Variants in MAN2A1 observed in about 807,000 individuals in gnomAD.
MAN2A1 encodes mannosidase alpha class 2A member 1.
In MAN2A1, 76 loss-of-function variants were observed where a neutral mutation model predicts 142.6. The ratio of observed to expected loss-of-function variants is 0.53; its 90% CI spans 0.44 to 0.65. The LOEUF (loss-of-function observed/expected upper bound fraction) is 0.65. MAN2A1 is among the 30% of genes least tolerant of loss of function. The pLI is 0.00. For synonymous variants in MAN2A1, 559 were observed against 473.2 expected, an observed-to-expected ratio of 1.18 and a Z score of -2.35; for missense variants, 1,311 against 1,365.1, an observed-to-expected ratio of 0.96 and a Z score of 0.62.
In MAN2A1 at chr5:109,866,841, T is replaced by C; in HGVS notation, c.3283-5T>C. ...AATATGTAAATTTTATCATTTACTT[T>C]TCAGATATTGGTACAGAAACTTTTA... On this transcript the variant is annotated splice_region_variant and splice_polypyrimidine_tract_variant and intron_variant, in intron 21 of 21. Transcript: ENST00000261483. The C allele has an allele frequency of 6.3e-7, 1 of 1,588,054 alleles. No homozygotes were observed. Among genetic ancestry groups the C allele is most frequent in the East Asian group, 2.2e-5 (1 of 44,454 alleles).
At chr5:109,852,879 C>T (rs1755518584) in intron 19 of MAN2A1, among the ~76,000 whole-genome samples, 1 of 152,048 alleles carries the variant, frequency 6.6e-6, no homozygotes, top group Non-Finnish European at 1.5e-5. Context: ...TCTTGTTGAG[C>T]CTCTTGTTGC....
At chr5:109,820,407 ATAAGTGAG>A in intron 15 of MAN2A1, 65 bp downstream of exon 15, 2 of 1,437,366 alleles carry the variant, frequency 1.4e-6, no homozygotes, top group Middle Eastern at 1.8e-4. Context: ...GAGGAAAAAG[ATAAGTGAG>A]TGTCATTATT....
intron 1 of MAN2A1, among the ~76,000 whole-genome samples, chr5:109,706,096 G>A (rs770940057): frequency 1.1e-4 from 17 of 152,170 alleles, no homozygotes; most frequent in East Asian, 5.8e-4. Context: ...TGCACCAGGC[G>A]CTATTTAAAT....
chr5:109,750,882 G>A (rs1056414898), intron 4 of MAN2A1, among the ~76,000 whole-genome samples: 1 of 151,846 alleles, frequency 6.6e-6, no homozygotes, highest in Non-Finnish European at 1.5e-5. Context: ...CATATTTATG[G>A]GGTATAGGTG....
intron 12 of MAN2A1, among the ~76,000 whole-genome samples, chr5:109,791,563 T>A (rs550319090): frequency 5.9e-5 from 9 of 152,182 alleles, no homozygotes; most frequent in East Asian, 3.9e-4. Flanking sequence ...GCTTTTTTTT[T>A]AGTTATAAAC....
chr5:109,858,043 C>T (rs1205173922), intron 20 of MAN2A1, among the ~76,000 whole-genome samples: 2 of 152,206 alleles, frequency 1.3e-5, no homozygotes, highest in South Asian at 4.1e-4. Flanking sequence ...GACACTTACT[C>T]CAACTTGGTT....
At chr5:109,859,876 T>C (rs756721724) in intron 20 of MAN2A1, among the ~76,000 whole-genome samples, 1 of 107,474 alleles carries the variant, frequency 9.3e-6, no homozygotes, top group Non-Finnish European at 2.0e-5. Flanking sequence ...GTAGTTCAGC[T>C]TTTTTTTTTT....
intron 10 of MAN2A1, 143 bp downstream of exon 10, chr5:109,785,069 C>A (rs1271079468): frequency 7.3e-6 from 4 of 551,152 alleles, no homozygotes; most frequent in Non-Finnish European, 1.2e-5. Context: ...ATCAAAACAG[C>A]ACTGATATTC....
intron 1 of MAN2A1, among the ~76,000 whole-genome samples, chr5:109,706,329 C>G (rs921944499): frequency 3.9e-5 from 6 of 152,112 alleles, no homozygotes; most frequent in African/African-American, 1.4e-4. Context: ...TATTGTAGTA[C>G]CCTTCAAAGT....
intron 4 of MAN2A1, among the ~76,000 whole-genome samples, chr5:109,731,267 C>CT (rs553119283): frequency 2.8e-4 from 40 of 143,482 alleles, no homozygotes; most frequent in African/African-American, 5.1e-4. Flanking sequence ...ATACATTATT[C>CT]TTTTTTTTTT....
rs1042505486 is a variant in MAN2A1, at chr5:109,859,942, T to A, written c.3171+4608T>A. On this transcript the variant is annotated intron_variant, in intron 20 of 21. Transcript: ENST00000261483. ...TAGACATATTTATTTTATATAAACA[T>A]GATATATATATATATCTTAACTCTT... 2.0e-5 allele frequency among the ~76,000 whole-genome samples: 3 copies of A among 151,094 alleles called. No homozygotes were observed. In the South Asian group the frequency reaches 6.3e-4, roughly 31 times the overall value.
intron 5 of MAN2A1, among the ~76,000 whole-genome samples, chr5:109,758,563 A>G (rs1002223703): frequency 8.6e-5 from 13 of 151,440 alleles, no homozygotes; most frequent in African/African-American, 3.1e-4. Context: ...TGCCATAGTA[A>G]GAAACTGTTG....
chr5:109,711,353 CTG>C (rs1447504412), intron 1 of MAN2A1, among the ~76,000 whole-genome samples: 1 of 152,198 alleles, frequency 6.6e-6, no homozygotes, highest in Non-Finnish European at 1.5e-5. Flanking sequence ...AAGCTGCAGT[CTG>C]TGGTGTTGTG....
chr5:109,746,084 C>T (rs577875596), intron 4 of MAN2A1, among the ~76,000 whole-genome samples: 14 of 152,298 alleles, frequency 9.2e-5, no homozygotes, highest in East Asian at 1.9e-4. Context: ...AAGCAGTTCT[C>T]GTGCCTCAGC....
At chr5:109,715,006 A>C (rs537621348) in intron 2 of MAN2A1, among the ~76,000 whole-genome samples, 189 of 151,900 alleles carry the variant, frequency 1.2e-3, no homozygotes, top group African/African-American at 4.2e-3. Flanking sequence ...AAAAAAAAAA[A>C]ATTATTTTTG....
At position 109,737,124 on chromosome 5, in the gene MAN2A1, C is replaced by T. The variant is rs192558440; in HGVS notation, c.707+7611C>T. The stretch of plus-strand genomic sequence containing the variant: ...TTTTTTTTTTTTTGAGACTGAGTCT[C>T]GCTCTGTCACCCAGGCTGAAGTGCA... On this transcript the variant is annotated intron_variant, in intron 4 of 21. Transcript: ENST00000261483. Among the ~76,000 whole-genome samples, 89 of 119,774 alleles carry T rather than the reference C, an allele frequency of 7.4e-4. 1 individual carries two copies. The highest frequency in any genetic ancestry group is 4.5e-3 in the Admixed American group (41 of 9,198). The allele number at this position is 119,774 out of a possible 152,430, so 78.6% of individuals were successfully genotyped here.
Position 109,819,901 on chromosome 5 carries a change from A to G in MAN2A1, c.2328+14A>G. ...GGACTTATGAAGGTATGTTCTGAAT[A>G]GTTCTAAAATTCATAGAATGCTTAT... On this transcript the variant is annotated intron_variant, in intron 14 of 21. Coordinates refer to ENST00000261483, the MANE Select transcript of MAN2A1 (RefSeq NM_002372.4). 2.0e-6 allele frequency: 3 copies of G among 1,502,768 alleles called. No homozygotes were observed. Among genetic ancestry groups the G allele is most frequent in the Non-Finnish European group, 2.7e-6 (3 of 1,113,528 alleles). 93.1% of individuals were successfully genotyped at this position (1,502,768 alleles called of 1,614,324 possible).
At chr5:109,759,874 G>A (rs1247091461) in intron 5 of MAN2A1, among the ~76,000 whole-genome samples, 2 of 151,752 alleles carry the variant, frequency 1.3e-5, no homozygotes, top group East Asian at 1.9e-4. Context: ...GTTTTGTTGT[G>A]CTTATTGGCC....
intron 12 of MAN2A1, among the ~76,000 whole-genome samples, chr5:109,812,684 T>C (rs1210222643): frequency 1.3e-5 from 2 of 152,236 alleles, no homozygotes; most frequent in African/African-American, 2.4e-5. Context: ...TAATATTGAA[T>C]GTGCCATTTG....
Sources: gnomAD v4.1 joint callset for allele counts (sites outside exome capture counted in the v4.1 genomes callset) on GRCh38, gnomAD v4.1.1 for gene constraint, MANE v1.5 for transcripts, NCBI Gene and HGNC (gene_info 2026-07-23, HGNC 2026-07-21) for gene names.